Variants in TCF7L2 observed in about 807,000 individuals in gnomAD.
The protein encoded by TCF7L2 is transcription factor 7-like 2.
Under a neutral mutation model 77.9 loss-of-function variants are expected in TCF7L2, and 23 were observed. The observed-to-expected ratio is 0.30, with a 90% CI of 0.21 to 0.42. TCF7L2 has a LOEUF of 0.42. TCF7L2 is among the 10% of genes least tolerant of loss of function. The probability of loss-of-function intolerance (pLI) is 1.00; values close to 1 mark genes in which losing one functional copy is unlikely to be tolerated. For synonymous variants in TCF7L2, 413 were observed against 340.2 expected (o/e 1.21, Z -2.36); for missense variants, 654 against 793.1 (o/e 0.82, Z 2.11).
At chr10:113,074,202 G>A (rs2058446219) in intron 5 of TCF7L2, among the ~76,000 whole-genome samples, 2 of 152,158 alleles carry the variant, frequency 1.3e-5, no homozygotes, top group Non-Finnish European at 2.9e-5. Context: ...TTCTGGATTT[G>A]TGAATTAGAT....
Position 113,152,338 on chromosome 10 carries a change from T to C in TCF7L2, c.1167T>C (p.His389=), listed in dbSNP as rs142903496. ...GTACCCCACGTCCCCTCCAGTGGCA[T>C]GCACTGTCCAGAGAAGAGCAAGCGA... The change falls in exon 11 of 14, where the codon CAT becomes CAC. Residue 389 remains histidine (H), a synonymous_variant. Coordinates refer to ENST00000627217, the MANE Select transcript of TCF7L2 (RefSeq NM_001146274.2). 3.7e-5 allele frequency: 60 copies of C among 1,613,914 alleles called. No homozygotes were observed. Among genetic ancestry groups the C allele is most frequent in the Non-Finnish European group, 4.7e-5 (56 of 1,179,892 alleles).
chr10:113,107,707 TCGCACCAGTGCACTCCAGCCTGGGCGAC>T (rs2062537282), intron 5 of TCF7L2, among the ~76,000 whole-genome samples: 3 of 125,870 alleles, frequency 2.4e-5, no homozygotes, highest in South Asian at 5.0e-4. Context: ...TGAGCCGAGA[TCGCACCAGTGCACTCCAGCCTGGGCGAC>T]CGAGCGAGAC....
rs2074021268 is a variant in TCF7L2, at chr10:113,165,950, T to C, written c.1787T>C (p.Leu596Pro). The C allele has an allele frequency of 6.5e-7, 1 of 1,537,542 alleles. No homozygotes were observed. The highest frequency in any genetic ancestry group is 8.8e-7 in the Non-Finnish European group (1 of 1,140,768). The change falls in exon 14 of 14, where the codon CTC (leucine) becomes CCC (proline). Residue 596 changes from leucine (L) to proline (P), a missense_variant. Coordinates refer to ENST00000627217, the MANE Select transcript of TCF7L2 (RefSeq NM_001146274.2). ...GGGACCCAGCCCCAGCCGCTGTCGC[T>C]CGTCACCAAGTCTTTAGAATAGCTT...
At chr10:113,047,909 G>A (rs902528455) in intron 5 of TCF7L2, among the ~76,000 whole-genome samples, 2 of 152,156 alleles carry the variant, frequency 1.3e-5, no homozygotes, top group African/African-American at 2.4e-5. Flanking sequence ...AGCTCAGCTC[G>A]GGGCTAGCGT....
intron 11 of TCF7L2, among the ~76,000 whole-genome samples, chr10:113,156,159 G>C (rs2071845139): frequency 6.6e-6 from 1 of 150,454 alleles, no homozygotes; most frequent in Non-Finnish European, 1.5e-5. Context: ...TCTGTCACCA[G>C]GGTGGAGTGC....
chr10:113,037,303 A>G (rs1355164099), intron 4 of TCF7L2, among the ~76,000 whole-genome samples: 1 of 152,192 alleles, frequency 6.6e-6, no homozygotes, highest in Non-Finnish European at 1.5e-5. Flanking sequence ...GTTCTGTGGC[A>G]TCAAGTTGCA....
intron 5 of TCF7L2, chr10:113,126,724 C>G: frequency 3.0e-6 from 3 of 985,938 alleles, no homozygotes; most frequent in Non-Finnish European, 3.6e-6. Flanking sequence ...GTGCTGCTCC[C>G]CTGTGCCGCG....
chr10:113,055,929 T>C (rs1042736857), intron 5 of TCF7L2, among the ~76,000 whole-genome samples: 1 of 152,228 alleles, frequency 6.6e-6, no homozygotes, highest in Non-Finnish European at 1.5e-5. Flanking sequence ...AATTAGGTTT[T>C]TTTGGTAGGA....
intron 4 of TCF7L2, among the ~76,000 whole-genome samples, chr10:113,029,713 G>A (rs1480519778): frequency 6.6e-6 from 1 of 152,006 alleles, no homozygotes; most frequent in Non-Finnish European, 1.5e-5. Context: ...TTTTAGTAGA[G>A]ATGGAGTTTC....
At chr10:113,040,330 T>C (rs1411602282) in intron 5 of TCF7L2, among the ~76,000 whole-genome samples, 1 of 152,244 alleles carries the variant, frequency 6.6e-6, no homozygotes. Context: ...CCTGGAAATT[T>C]TACAAACCTT....
chr10:113,140,345 C>G (rs1338497098), intron 5 of TCF7L2, among the ~76,000 whole-genome samples: 3 of 152,098 alleles, frequency 2.0e-5, no homozygotes, highest in Admixed American at 6.5e-5. Context: ...TTCTTCCCCC[C>G]ACCCTGCCCT....
chr10:113,093,736 A>G (rs1320608785), intron 5 of TCF7L2, among the ~76,000 whole-genome samples: 1 of 152,198 alleles, frequency 6.6e-6, no homozygotes, highest in Non-Finnish European at 1.5e-5. Context: ...CTCGCCACAC[A>G]AAGTCATTAC....
chr10:113,127,997 A>G (rs2065940119), intron 5 of TCF7L2, among the ~76,000 whole-genome samples: 1 of 150,990 alleles, frequency 6.6e-6, no homozygotes, highest in Admixed American at 6.6e-5. Flanking sequence ...GGAGCTGTCC[A>G]TCAGCGGCAG....
intron 5 of TCF7L2, among the ~76,000 whole-genome samples, chr10:113,070,495 G>A (rs4918790): frequency 0.92 from 140,283 of 151,930 alleles, 64,754 homozygotes; most frequent in East Asian, 0.99. Context: ...TGCGGGACCC[G>A]CGTCAAGGCT....
intron 5 of TCF7L2, chr10:113,089,547 C>T: frequency 1.2e-6 from 2 of 1,613,226 alleles, no homozygotes; most frequent in Non-Finnish European, 1.7e-6. Context: ...TGAGGTAGGT[C>T]TCGGAGCAGA....
chr10:113,115,511 C>T (rs2063604308), intron 5 of TCF7L2, among the ~76,000 whole-genome samples: 1 of 152,098 alleles, frequency 6.6e-6, no homozygotes, highest in Non-Finnish European at 1.5e-5. Flanking sequence ...TAGCCAACAT[C>T]CTGTGTTCAG....
intron 4 of TCF7L2, among the ~76,000 whole-genome samples, chr10:113,016,450 G>A (rs1373749687): frequency 6.6e-6 from 1 of 152,216 alleles, no homozygotes; most frequent in Non-Finnish European, 1.5e-5. Flanking sequence ...CTTGAGGTGA[G>A]AGGGTGGGGA....
At chr10:113,033,145 ATCTTT>A (rs2134113512) in intron 4 of TCF7L2, among the ~76,000 whole-genome samples, 1 of 150,834 alleles carries the variant, frequency 6.6e-6, no homozygotes, top group South Asian at 2.1e-4. Context: ...TTTCTTTTTT[ATCTTT>A]TCTTTTCTTT....
chr10:113,002,768 G>C (rs1233351405), intron 4 of TCF7L2, among the ~76,000 whole-genome samples: 1 of 151,896 alleles, frequency 6.6e-6, no homozygotes, highest in African/African-American at 2.4e-5. Flanking sequence ...TTTGAGACTT[G>C]TTCTTAAAAA....
Sources: allele counts gnomAD v4.1 joint callset (sites outside exome capture counted in the v4.1 genomes callset), GRCh38; gene constraint gnomAD v4.1.1; transcripts MANE v1.5; gene names NCBI Gene and HGNC (gene_info 2026-07-23, HGNC 2026-07-21).